GRM7: variants seen among roughly 807,000 people sequenced by gnomAD.
GRM7 encodes glutamate metabotropic receptor 7, also known as metabotropic glutamate receptor 7.
A neutral mutation model predicts 84.5 loss-of-function variants in GRM7; 35 were observed. The observed-to-expected ratio is 0.41, with a 90% CI of 0.32 to 0.55. GRM7 has a LOEUF of 0.55. Ranked by LOEUF, GRM7 falls within the 20% of genes least tolerant of loss-of-function variation. GRM7 has a pLI of 0.19. For missense variants in GRM7, 1,003 were observed against 1,194.6 expected (o/e 0.84, Z 2.36); for synonymous variants, 487 against 455.1 (o/e 1.07, Z -0.89).
At chr3:7,401,183 G>A (rs1281695228) in intron 4 of GRM7, among the ~76,000 whole-genome samples, 8 of 151,974 alleles carry the variant, frequency 5.3e-5, no homozygotes, top group African/African-American at 9.7e-5. Flanking sequence ...TGTATATGAC[G>A]AAGAAGCAAT....
chr3:7,123,996 A>G (rs767131154), intron 1 of GRM7, among the ~76,000 whole-genome samples: 3 of 151,936 alleles, frequency 2.0e-5, no homozygotes, highest in African/African-American at 7.3e-5. Flanking sequence ...GCCTGCCTTT[A>G]TCTTGATCTA....
intron 2 of GRM7, among the ~76,000 whole-genome samples, chr3:7,204,093 T>C (rs1316121280): frequency 3.9e-5 from 6 of 152,184 alleles, no homozygotes; most frequent in Non-Finnish European, 8.8e-5. Flanking sequence ...ATAGGCATAG[T>C]ATTGCTTCAG....
At chr3:7,479,843 C>G (rs1165386342) in intron 7 of GRM7, among the ~76,000 whole-genome samples, 1 of 152,040 alleles carries the variant, frequency 6.6e-6, no homozygotes, top group Non-Finnish European at 1.5e-5. Context: ...CATGCTGACT[C>G]TCCATCTGTA....
chr3:7,603,369 G>A (rs918138523), intron 8 of GRM7, among the ~76,000 whole-genome samples: 12 of 152,118 alleles, frequency 7.9e-5, no homozygotes, highest in Admixed American at 2.6e-4. Context: ...TTTATTGAAA[G>A]AAGTTGTTGC....
chr3:6,861,139 A>G lies in GRM7; in HGVS notation c.-250A>G, dbSNP rs1054581268. 9 of 416,846 alleles carry G rather than the reference A, an allele frequency of 2.2e-5. No individual in the cohort carries two copies. In the Admixed American group the frequency reaches 3.6e-4, roughly 16 times the overall value. 25.8% of individuals were successfully genotyped at this position (416,846 alleles called of 1,614,324 possible). A position where few individuals can be genotyped will look rare whatever the true frequency, so the allele number is the denominator to read the frequency against. On this transcript the variant is annotated 5_prime_UTR_variant, in exon 1 of 10. Transcript: ENST00000357716. The surrounding 1 kb of genome is among the most constrained non-coding windows in gnomAD (Gnocchi z 6.4). ...CAGTGCTGGGCTGTTGGAGAGAGCG[A>G]GCAGCAAGCCGGTGAGCGCGAGCGC...
Position 7,341,057 on chromosome 3 carries a change from A to G in GRM7, c.1033+34405A>G, listed in dbSNP as rs527642272. On this transcript the variant is annotated intron_variant, in intron 4 of 9. Transcript: ENST00000357716. ...TAAGTGAAGAAAGGCCATACAGACA[A>G]TGCTTCTCTTTGTTCTTTAGCATTG... 2.0e-4 allele frequency among the ~76,000 whole-genome samples: 31 copies of G among 152,238 alleles called. No homozygotes were observed. The South Asian group carries it at 5.6e-3, about 27-fold the overall frequency.
At chr3:7,275,934 G>A (rs1190821050) in intron 2 of GRM7, among the ~76,000 whole-genome samples, 1 of 151,902 alleles carries the variant, frequency 6.6e-6, no homozygotes, top group Non-Finnish European at 1.5e-5. Flanking sequence ...TACACTTCAG[G>A]TTTTCCTATC....
Position 7,579,180 on chromosome 3 carries a change from C to T in GRM7, c.2274C>T (p.Cys758=). 6.2e-7 allele frequency: 1 copy of T among 1,613,922 alleles called. No homozygotes were observed. Among genetic ancestry groups the T allele is most frequent in the Non-Finnish European group, 8.5e-7 (1 of 1,179,852 alleles). ...ACATTACAGATCTCCAAATCATTTG[C>T]TCCTTGGGATATAGCATTCTTCTCA... The part of the protein sequence containing the change: ...KCDITDLQII[C]SLGYSILLMV... The change falls in exon 8 of 10, where the codon TGC becomes TGT. Residue 758 remains cysteine (C), a synonymous_variant. Coordinates refer to ENST00000357716, the MANE Select transcript of GRM7 (RefSeq NM_000844.4).
intron 2 of GRM7, among the ~76,000 whole-genome samples, chr3:7,207,892 T>C (rs180857825): frequency 6.6e-6 from 1 of 152,318 alleles, no homozygotes; most frequent in East Asian, 1.9e-4. Context: ...GCCTCTGTAA[T>C]TATAACCGTG....
chr3:7,248,286 A>G (rs754623211), intron 2 of GRM7, among the ~76,000 whole-genome samples: 5 of 152,216 alleles, frequency 3.3e-5, no homozygotes, highest in Non-Finnish European at 5.9e-5. Flanking sequence ...ACTCAACAGT[A>G]GAAAGGAATG....
At chr3:7,443,239 AT>A (rs998718651) in intron 5 of GRM7, among the ~76,000 whole-genome samples, 20 of 152,120 alleles carry the variant, frequency 1.3e-4, no homozygotes, top group Non-Finnish European at 7.4e-5. Flanking sequence ...CCCTATACAT[AT>A]TTTTTTCCTC....
intron 1 of GRM7, among the ~76,000 whole-genome samples, chr3:6,922,386 T>A (rs1697157161): frequency 6.6e-6 from 1 of 152,244 alleles, no homozygotes; most frequent in Admixed American, 6.5e-5. Context: ...AATGATATGC[T>A]TCAATTGATT....
intron 8 of GRM7, among the ~76,000 whole-genome samples, chr3:7,603,446 C>G (rs1045774121): frequency 8.5e-5 from 13 of 152,078 alleles, no homozygotes; most frequent in Admixed American, 5.3e-4. Flanking sequence ...GATCAGGACC[C>G]TTGATAGGCC....
chr3:7,151,223 T>G lies in GRM7; in HGVS notation c.736+4555T>G, dbSNP rs1228336190. ...TATTAACTGTTATTCAGCCTTCAGT[T>G]TTTTAGACCTCAAGCTCTACTAAAA... On this transcript the variant is annotated intron_variant, in intron 2 of 9. Transcript: ENST00000357716. This position sits in a 1 kb window ranked among gnomAD's most constrained non-coding sequence, Gnocchi z 4.5. Among the ~76,000 whole-genome samples the G allele has an allele frequency of 6.6e-6, 1 of 152,086 alleles. No homozygotes were observed. The highest frequency in any genetic ancestry group is 1.9e-4 in the East Asian group (1 of 5,174).
chr3:7,028,383 A>G (rs1696055424), intron 1 of GRM7, among the ~76,000 whole-genome samples: 1 of 152,208 alleles, frequency 6.6e-6, no homozygotes, highest in African/African-American at 2.4e-5. Flanking sequence ...ATCTGGCAAT[A>G]TCTTTATTGG....
At chr3:7,165,865 C>A (rs1694782839) in intron 2 of GRM7, among the ~76,000 whole-genome samples, 1 of 152,086 alleles carries the variant, frequency 6.6e-6, no homozygotes, top group Admixed American at 6.5e-5. Context: ...CATTGACAAT[C>A]CATTATTTTT....
chr3:7,018,692 G>T (rs186069204), intron 1 of GRM7, among the ~76,000 whole-genome samples: 12 of 152,340 alleles, frequency 7.9e-5, no homozygotes, highest in Admixed American at 2.0e-4. Context: ...ACTTGCTGCT[G>T]CAGCAGTGGC....
intron 7 of GRM7, among the ~76,000 whole-genome samples, chr3:7,526,355 G>T (rs1204681656): frequency 6.6e-6 from 1 of 151,190 alleles, no homozygotes; most frequent in Non-Finnish European, 1.5e-5. Flanking sequence ...TTTAAGAAGT[G>T]TCTGTTCATG....
At chr3:7,103,766 CTTTCTT>C (rs1366225565) in intron 1 of GRM7, among the ~76,000 whole-genome samples, 35 of 61,064 alleles carry the variant, frequency 5.7e-4, no homozygotes, top group East Asian at 3.1e-3. Context: ...TTCTTTCTTT[CTTTCTT>C]TCTTTCTTTC....
Sources: gnomAD v4.1 joint callset for allele counts (sites outside exome capture counted in the v4.1 genomes callset) on GRCh38, gnomAD v4.1.1 for gene constraint, Gnocchi (gnomAD v3.1) non-coding constraint, MANE v1.5 for transcripts, NCBI Gene and HGNC (gene_info 2026-07-23, HGNC 2026-07-21) for gene names.